HS2ST1: variants seen among roughly 807,000 people sequenced by gnomAD.
HS2ST1 encodes the protein 2-O-sulfotransferase.
In HS2ST1, 18 loss-of-function variants were observed where a neutral mutation model predicts 42.9. The observed-to-expected ratio is 0.42, with a 90% CI of 0.29 to 0.62. HS2ST1 has a LOEUF of 0.62. Ranked by LOEUF, HS2ST1 falls within the 20% of genes least tolerant of loss-of-function variation. The pLI is 0.21. For missense variants in HS2ST1, 334 were observed against 433.8 expected, an observed-to-expected ratio of 0.77 and a Z score of 2.04; for synonymous variants, 146 against 152.9, an observed-to-expected ratio of 0.95 and a Z score of 0.33.
chr1:86,920,999 G>A (rs1042600359), intron 1 of HS2ST1, among the ~76,000 whole-genome samples: 1 of 151,992 alleles, frequency 6.6e-6, no homozygotes, highest in Admixed American at 6.6e-5. Context: ...AATGCATGTT[G>A]TCTTAATTAG....
chr1:86,986,607 C>T (rs1346293632), intron 1 of HS2ST1, among the ~76,000 whole-genome samples: 1 of 152,096 alleles, frequency 6.6e-6, no homozygotes, highest in African/African-American at 2.4e-5. Context: ...CACTAGCATC[C>T]TTAAATTGTG....
chr1:87,021,028 G>T (rs1310001844), intron 1 of HS2ST1, among the ~76,000 whole-genome samples: 1 of 152,132 alleles, frequency 6.6e-6, no homozygotes, highest in East Asian at 1.9e-4. Context: ...CATTTAAGAT[G>T]ACCTTTCTCC....
At chr1:86,982,551 G>A (rs191271206) in intron 1 of HS2ST1, among the ~76,000 whole-genome samples, 27 of 152,030 alleles carry the variant, frequency 1.8e-4, no homozygotes, top group African/African-American at 6.0e-4. Flanking sequence ...GTCTTGCTGT[G>A]TCGCCCAGGC....
At chr1:86,953,102 T>C (rs1169516569) in intron 1 of HS2ST1, among the ~76,000 whole-genome samples, 1 of 152,252 alleles carries the variant, frequency 6.6e-6, no homozygotes, top group Non-Finnish European at 1.5e-5. Flanking sequence ...TCTGCACTTG[T>C]TGCTTTACCT....
At chr1:87,041,373 T>C (rs1650520169) in intron 1 of HS2ST1, among the ~76,000 whole-genome samples, 1 of 151,706 alleles carries the variant, frequency 6.6e-6, no homozygotes, top group Non-Finnish European at 1.5e-5. Context: ...GGTTACAGAA[T>C]GAGATCCTGT....
intron 1 of HS2ST1, among the ~76,000 whole-genome samples, chr1:86,985,129 G>A (rs1359661800): frequency 2.0e-5 from 3 of 150,844 alleles, no homozygotes; most frequent in African/African-American, 4.9e-5. Flanking sequence ...GCTGAGGTGG[G>A]CGGATCACGA....
At chr1:86,929,456 C>G (rs186762345) in intron 1 of HS2ST1, among the ~76,000 whole-genome samples, 1 of 151,770 alleles carries the variant, frequency 6.6e-6, no homozygotes, top group African/African-American at 2.4e-5. Flanking sequence ...TGTTATTTGC[C>G]TCCTTAAAGT....
chr1:87,089,580 G>A (rs1254924139), intron 3 of HS2ST1, among the ~76,000 whole-genome samples: 3 of 151,974 alleles, frequency 2.0e-5, no homozygotes, highest in East Asian at 1.9e-4. Flanking sequence ...AGCAAACCTC[G>A]TTAGCTCTTG....
chr1:86,914,766 G>C lies in HS2ST1; in HGVS notation c.-271G>C. The C allele has an allele frequency of 2.0e-6, 1 of 489,410 alleles. No homozygotes were observed. The highest frequency in any genetic ancestry group is 3.8e-5 in the Admixed American group (1 of 26,314). 30.3% of individuals were successfully genotyped at this position (489,410 alleles called of 1,614,324 possible). A position where few individuals can be genotyped will look rare whatever the true frequency, so the allele number is the denominator to read the frequency against. ...AGGCAGTAGAGGGAGGCGAGAGCCC[G>C]GCAGCCGCTTCGCGCTGTTTGCTGC... On this transcript the variant is annotated 5_prime_UTR_variant, in exon 1 of 7. Transcript: ENST00000370550.
At chr1:86,922,437 G>A (rs1660319891) in intron 1 of HS2ST1, among the ~76,000 whole-genome samples, 1 of 151,526 alleles carries the variant, frequency 6.6e-6, no homozygotes, top group South Asian at 2.1e-4. Flanking sequence ...GTGTGTGTGT[G>A]TGTGTGTGTA....
chr1:86,957,287 T>C (rs998101980), intron 1 of HS2ST1, among the ~76,000 whole-genome samples: 2 of 152,236 alleles, frequency 1.3e-5, no homozygotes, highest in African/African-American at 4.8e-5. Context: ...CATGGGTAAG[T>C]AATGTTAATC....
intron 2 of HS2ST1, 36 bp downstream of exon 2, chr1:87,073,208 A>G (rs1289411191): frequency 3.6e-6 from 5 of 1,390,666 alleles, no homozygotes; most frequent in South Asian, 1.2e-5. Flanking sequence ...AATATTTTCT[A>G]ATACTTCCTC....
intron 1 of HS2ST1, among the ~76,000 whole-genome samples, chr1:86,974,948 C>T (rs1411424218): frequency 6.6e-6 from 1 of 152,002 alleles, no homozygotes; most frequent in African/African-American, 2.4e-5. Context: ...GTTTGATTAC[C>T]TAGAGGTTCA....
intron 5 of HS2ST1, among the ~76,000 whole-genome samples, chr1:87,100,660 G>A (rs1255765545): frequency 6.6e-6 from 1 of 152,192 alleles, no homozygotes; most frequent in Non-Finnish European, 1.5e-5. Context: ...TCCAGTGGGA[G>A]TGGTTGCTCA....
chr1:86,998,818 A>G (rs1368370594), intron 1 of HS2ST1, among the ~76,000 whole-genome samples: 1 of 152,218 alleles, frequency 6.6e-6, no homozygotes, highest in Non-Finnish European at 1.5e-5. Flanking sequence ...AAATTCATCT[A>G]AAACTTTGCT....
chr1:87,080,271 G>T (rs1285198121), intron 2 of HS2ST1, among the ~76,000 whole-genome samples: 2 of 152,158 alleles, frequency 1.3e-5, no homozygotes, highest in Non-Finnish European at 2.9e-5. Flanking sequence ...TAAAATGGTT[G>T]TCCGGTAAAG....
chr1:86,995,974 A>T (rs955541221), intron 1 of HS2ST1, among the ~76,000 whole-genome samples: 1 of 152,094 alleles, frequency 6.6e-6, no homozygotes, highest in Non-Finnish European at 1.5e-5. Context: ...TGAGGTATTA[A>T]ATTACCTAGA....
chr1:87,085,639 A>T (rs151183311), intron 3 of HS2ST1, among the ~76,000 whole-genome samples: 123 of 152,330 alleles, frequency 8.1e-4, no homozygotes, highest in Middle Eastern at 3.4e-3. Context: ...TAGGCATTGA[A>T]CCAATTTCAT....
At chr1:86,990,029 T>C (rs755373649) in intron 1 of HS2ST1, among the ~76,000 whole-genome samples, 118 of 152,156 alleles carry the variant, frequency 7.8e-4, no homozygotes, top group Non-Finnish European at 1.3e-3. Context: ...AGTAAACATG[T>C]GTGTGCATGT....
Sources: allele counts gnomAD v4.1 joint callset (sites outside exome capture counted in the v4.1 genomes callset), GRCh38; gene constraint gnomAD v4.1.1; transcripts MANE v1.5; gene names NCBI Gene and HGNC (gene_info 2026-07-23, HGNC 2026-07-21).